MLLT10: variants seen among roughly 807,000 people sequenced by gnomAD.
The protein encoded by MLLT10 is protein AF-10.
MLLT10 carries 30 observed loss-of-function variants against 129.1 expected under a neutral mutation model. The ratio of observed to expected loss-of-function variants is 0.23; its 90% CI spans 0.17 to 0.32. The LOEUF is 0.32. Among genes scored for constraint, MLLT10 ranks in the 10% least tolerant of loss-of-function variants. MLLT10 has a pLI of 1.00. For missense variants in MLLT10, 1,119 were observed against 1,268.3 expected (o/e 0.88, Z 1.79); for synonymous variants, 490 against 446.4 (o/e 1.10, Z -1.23).
intron 13 of MLLT10, among the ~76,000 whole-genome samples, chr10:21,693,228 A>C (rs2054045322): frequency 6.6e-6 from 1 of 152,212 alleles, no homozygotes; most frequent in African/African-American, 2.4e-5. Flanking sequence ...TAACAATTGC[A>C]GCTGACATTT....
chr10:21,572,660 G>T (rs1451932975), intron 3 of MLLT10, among the ~76,000 whole-genome samples: 2 of 150,304 alleles, frequency 1.3e-5, no homozygotes, highest in Non-Finnish European at 3.0e-5. Flanking sequence ...TTACTCTGTT[G>T]CCTCGCTGGA....
chr10:21,667,316 T>G (rs2050908760), intron 9 of MLLT10, among the ~76,000 whole-genome samples: 1 of 151,798 alleles, frequency 6.6e-6, no homozygotes, highest in African/African-American at 2.4e-5. Flanking sequence ...TCATTTACTT[T>G]TCTTCATATT....
At chr10:21,651,476 A>C (rs2049025540) in intron 8 of MLLT10, among the ~76,000 whole-genome samples, 197 bp from the exon 9 acceptor site, 1 of 152,228 alleles carries the variant, frequency 6.6e-6, no homozygotes, top group South Asian at 2.1e-4. Flanking sequence ...GCTTATCAAG[A>C]ATAAAAAAGC....
intron 9 of MLLT10, among the ~76,000 whole-genome samples, chr10:21,655,711 C>T (rs983055244): frequency 6.6e-6 from 1 of 152,086 alleles, no homozygotes; most frequent in Non-Finnish European, 1.5e-5. Flanking sequence ...GTAGAATTAA[C>T]ATTGAGGAAT....
At chr10:21,683,090 CA>C (rs1289706905) in intron 13 of MLLT10, among the ~76,000 whole-genome samples, 1 of 152,160 alleles carries the variant, frequency 6.6e-6, no homozygotes. Flanking sequence ...TTTTAATTTG[CA>C]GTCGATTTGT....
chr10:21,546,608 C>T (rs986941445), intron 3 of MLLT10, among the ~76,000 whole-genome samples: 3 of 150,550 alleles, frequency 2.0e-5, no homozygotes, highest in African/African-American at 7.3e-5. Flanking sequence ...GTCTCTGTCG[C>T]CCAGGCTGGA....
chr10:21,623,077 G>T (rs1293357579), intron 8 of MLLT10, among the ~76,000 whole-genome samples: 1 of 152,208 alleles, frequency 6.6e-6, no homozygotes, highest in African/African-American at 2.4e-5. Flanking sequence ...GAGCTTCCAT[G>T]CCCTCTCCAG....
At chr10:21,572,911 T>TA (rs1325389008) in intron 3 of MLLT10, among the ~76,000 whole-genome samples, 1 of 152,184 alleles carries the variant, frequency 6.6e-6, no homozygotes, top group South Asian at 2.1e-4. Flanking sequence ...ACGCCTGGCC[T>TA]AAAATTATTT....
At chr10:21,735,793 C>T (rs1276689075) in intron 21 of MLLT10, among the ~76,000 whole-genome samples, 1 of 152,054 alleles carries the variant, frequency 6.6e-6, no homozygotes, top group Non-Finnish European at 1.5e-5. Context: ...AAGTCAGCAG[C>T]CATGTGGTCA....
At chr10:21,674,654 A>G (rs2051883890) in intron 11 of MLLT10, among the ~76,000 whole-genome samples, 1 of 152,214 alleles carries the variant, frequency 6.6e-6, no homozygotes, top group Non-Finnish European at 1.5e-5. Flanking sequence ...GTTTTTAGAC[A>G]GACCCTTAAC....
At chr10:21,698,950 C>T (rs2054626528) in intron 13 of MLLT10, among the ~76,000 whole-genome samples, 1 of 152,248 alleles carries the variant, frequency 6.6e-6, no homozygotes, top group Non-Finnish European at 1.5e-5. Flanking sequence ...TCTTGGCTCA[C>T]TGCAACCTCT....
intron 13 of MLLT10, among the ~76,000 whole-genome samples, chr10:21,689,103 A>G (rs1221933365): frequency 1.3e-5 from 2 of 152,084 alleles, no homozygotes; most frequent in African/African-American, 2.4e-5. Context: ...AGTATCTTCA[A>G]TATGGCACTT....
At chr10:21,655,981 G>A (rs2049543858) in intron 9 of MLLT10, among the ~76,000 whole-genome samples, 1 of 152,212 alleles carries the variant, frequency 6.6e-6, no homozygotes, top group Non-Finnish European at 1.5e-5. Flanking sequence ...GTAGGGATGA[G>A]GCAGGTGAGG....
At chr10:21,661,034 A>G (rs1473523830) in intron 9 of MLLT10, among the ~76,000 whole-genome samples, 5 of 151,736 alleles carry the variant, frequency 3.3e-5, no homozygotes, top group Non-Finnish European at 7.4e-5. Context: ...TTCTCTTTAT[A>G]TTTCTTCTTT....
chr10:21,571,692 A>G (rs1480515129), intron 3 of MLLT10, among the ~76,000 whole-genome samples: 1 of 152,134 alleles, frequency 6.6e-6, no homozygotes, highest in Non-Finnish European at 1.5e-5. Flanking sequence ...TTTCATGATA[A>G]CTGATGATAT....
intron 14 of MLLT10, among the ~76,000 whole-genome samples, chr10:21,719,971 C>A (rs775517735): frequency 1.4e-4 from 22 of 152,158 alleles, no homozygotes; most frequent in Non-Finnish European, 2.5e-4. Context: ...GGATTAAGGT[C>A]TTTCCCAGTT....
chr10:21,720,221 G>A (rs1391341590), intron 14 of MLLT10, among the ~76,000 whole-genome samples: 4 of 152,164 alleles, frequency 2.6e-5, no homozygotes, highest in Non-Finnish European at 5.9e-5. Flanking sequence ...CAATGGTTTT[G>A]AATACGTTAA....
At chr10:21,645,554 C>A (rs118008766) in intron 8 of MLLT10, among the ~76,000 whole-genome samples, 1 of 152,132 alleles carries the variant, frequency 6.6e-6, no homozygotes, top group Non-Finnish European at 1.5e-5. Context: ...ATATTAATTT[C>A]TAGTATTGGG....
At chr10:21,558,538 CTT>C (rs536840867) in intron 3 of MLLT10, among the ~76,000 whole-genome samples, 2 of 143,410 alleles carry the variant, frequency 1.4e-5, no homozygotes. Flanking sequence ...GTTTCTTCTT[CTT>C]TTTTTTTTTT....
Sources: gnomAD v4.1 joint callset for allele counts (sites outside exome capture counted in the v4.1 genomes callset) on GRCh38, gnomAD v4.1.1 for gene constraint, MANE v1.5 for transcripts, NCBI Gene and HGNC (gene_info 2026-07-23, HGNC 2026-07-21) for gene names.